Variants in NAV3 observed in about 807,000 individuals in gnomAD.
The protein encoded by NAV3 is pore membrane and/or filament interacting like protein 1.
Under a neutral mutation model 244.7 loss-of-function variants are expected in NAV3, and 87 were observed. The ratio of observed to expected loss-of-function variants is 0.36; its 90% confidence interval spans 0.30 to 0.42. The LOEUF (loss-of-function observed/expected upper bound fraction) is 0.42, where lower values mean the gene tolerates loss of function less well. NAV3 is among the 20% of genes least tolerant of loss of function. The probability of loss-of-function intolerance (pLI) is 1.00; values close to 1 mark genes in which losing one functional copy is unlikely to be tolerated. For missense variants in NAV3, 2,663 were observed against 2,893.3 expected, an observed-to-expected ratio of 0.92 and a Z score of 1.83; for synonymous variants, 1,126 against 1,042.2, an observed-to-expected ratio of 1.08 and a Z score of -1.55.
intron 2 of NAV3, among the ~76,000 whole-genome samples, chr12:77,647,823 A>G (rs1872667270): frequency 6.6e-6 from 1 of 152,086 alleles, no homozygotes; most frequent in Non-Finnish European, 1.5e-5. Flanking sequence ...TCAGGAAATT[A>G]CTTGATTTTA....
At chr12:77,639,145 T>C (rs1480109159) in intron 2 of NAV3, among the ~76,000 whole-genome samples, 1 of 152,182 alleles carries the variant, frequency 6.6e-6, no homozygotes, top group Non-Finnish European at 1.5e-5. Context: ...CTATCTCCAT[T>C]TGGATTTGGA....
chr12:77,652,285 T>A (rs1236746019), intron 2 of NAV3, among the ~76,000 whole-genome samples: 1 of 152,204 alleles, frequency 6.6e-6, no homozygotes, highest in Non-Finnish European at 1.5e-5. Flanking sequence ...TTGGTTAAGC[T>A]GGCAGTCAGA....
chr12:77,679,131 ACT>A (rs1178266987), intron 2 of NAV3, among the ~76,000 whole-genome samples: 2 of 152,090 alleles, frequency 1.3e-5, no homozygotes, highest in Non-Finnish European at 1.5e-5. Context: ...CAGGTTACTA[ACT>A]CTGGATTTTT....
At chr12:77,613,357 A>G (rs1871005897) in intron 2 of NAV3, among the ~76,000 whole-genome samples, 1 of 152,146 alleles carries the variant, frequency 6.6e-6, no homozygotes, top group Non-Finnish European at 1.5e-5. Flanking sequence ...AGTCGAACAC[A>G]GTGGTGCATA....
At chr12:77,712,542 A>G (rs1234283015) in intron 2 of NAV3, among the ~76,000 whole-genome samples, 2 of 152,316 alleles carry the variant, frequency 1.3e-5, no homozygotes, top group African/African-American at 2.4e-5. Context: ...ATGAGATTTC[A>G]ATAAGATAAA....
Position 77,613,499 on chromosome 12 carries a change from C to T in NAV3, c.72+41233C>T, listed in dbSNP as rs375455446. 3.2e-4 allele frequency among the ~76,000 whole-genome samples: 48 copies of T among 152,264 alleles called. 1 individual carries two copies. The South Asian group carries it at 9.9e-3, about 32-fold the overall frequency. On this transcript the variant is annotated intron_variant, in intron 2 of 8. Transcript: ENST00000550042. ...TCATGTTTCAAAGACTCAGGGTGTC[C>T]TCTGTCCTTGAAGTCTGCCTTCTTG...
chr12:78,152,109 G>A (rs1465635940), intron 22 of NAV3, among the ~76,000 whole-genome samples: 1 of 151,206 alleles, frequency 6.6e-6, no homozygotes, highest in Admixed American at 6.6e-5. Flanking sequence ...TCTTTATTTG[G>A]TAGTGATAGG....
In NAV3 at chr12:77,624,122, A is replaced by G. The variant is rs148379247; in HGVS notation, c.72+51856A>G. On this transcript the variant is annotated intron_variant, in intron 2 of 8. Coordinates refer to the NAV3 transcript ENST00000550042. ...GCAGGATGAGTGGGTTGAAAATTAC[A>G]GAATACGTTATTTTAGAAGGGCTAA... 6.2e-4 allele frequency among the ~76,000 whole-genome samples: 95 copies of G among 152,292 alleles called. 1 individual carries two copies. Among genetic ancestry groups the G allele is most frequent in the African/African-American group, 2.0e-3 (83 of 41,588 alleles).
In NAV3 at chr12:77,997,897, T is replaced by C. The variant is rs564787827; in HGVS notation, c.741-440T>C. 5.4e-4 allele frequency among the ~76,000 whole-genome samples: 83 copies of C among 152,348 alleles called. 1 individual carries two copies. In the South Asian group the frequency reaches 0.015, roughly 27 times the overall value. ...GTGATTAATATCCAAGCAAACTTAC[T>C]ATATAACTACCTACAATAAAAACAA... On this transcript the variant is annotated intron_variant, in intron 6 of 39. Coordinates refer to ENST00000397909, the MANE Select transcript of NAV3 (RefSeq NM_001024383.2).
chr12:77,820,684 C>T lies in NAV3; in HGVS notation c.73-119635C>T, dbSNP rs56349173. On this transcript the variant is annotated intron_variant, in intron 2 of 8. Transcript: ENST00000550042. ...GACCATTGCATATAGCTGGGAAGATCGCACACTCTACCAGTGTGTGTGTGA... is the reference window on the plus strand; with the variant it reads ...GACCATTGCATATAGCTGGGAAGATTGCACACTCTACCAGTGTGTGTGTGA... 6.7e-3 allele frequency among the ~76,000 whole-genome samples: 1,016 copies of T among 152,106 alleles called. 12 individuals carry two copies. The highest frequency in any genetic ancestry group is 0.023 in the African/African-American group (939 of 41,518).
intron 2 of NAV3, among the ~76,000 whole-genome samples, chr12:77,702,696 A>G (rs867425706): frequency 7.9e-5 from 12 of 151,892 alleles, no homozygotes; most frequent in Middle Eastern, 3.2e-3. Flanking sequence ...GTATTTTTCT[A>G]CTTACCCCTG....
intron 2 of NAV3, among the ~76,000 whole-genome samples, chr12:77,699,218 T>C (rs187365964): frequency 6.6e-6 from 1 of 152,250 alleles, no homozygotes; most frequent in Admixed American, 6.6e-5. Flanking sequence ...CAGGGTTGTC[T>C]GGCCTTGAAC....
chr12:77,938,931 C>CGTGTGT lies in NAV3; in HGVS notation c.244-1361_244-1356dup, dbSNP rs35392593. Among the ~76,000 whole-genome samples the CGTGTGT allele has an allele frequency of 3.1e-3, 439 of 142,578 alleles. 8 individuals are homozygous for CGTGTGT. The East Asian group carries it at 0.046, about 15-fold the overall frequency. The allele number at this position is 142,578 out of a possible 152,430, so 93.5% of individuals were successfully genotyped here. A position where few individuals can be genotyped will look rare whatever the true frequency, so the allele number is the denominator to read the frequency against. On this transcript the variant is annotated intron_variant, in intron 1 of 39. Coordinates refer to ENST00000397909, the MANE Select transcript of NAV3 (RefSeq NM_001024383.2). ...CCAAATTTGGTTTAAAATGTGATCT[C>CGTGTGT]GTGTGTGTGTGTGTGTGTGTGTGTG...
Position 78,199,425 on chromosome 12 carries a change from G to A in NAV3, c.6609G>A (p.Arg2203=), listed in dbSNP as rs369032172. 4.0e-5 allele frequency: 65 copies of A among 1,610,826 alleles called. No homozygotes were observed. The highest frequency in any genetic ancestry group is 5.3e-5 in the Non-Finnish European group (62 of 1,178,510). ...AACTCATAGAGATAGAAATTGAAAG[G>A]AACATTCGCAATAATGACCTAGTCA... ...RRKLIEIEIE[R]NIRNNDLVKI... The change falls in exon 37 of 40, where the codon AGG becomes AGA. Residue 2203 remains arginine (R), a synonymous_variant. Coordinates refer to ENST00000397909, the MANE Select transcript of NAV3 (RefSeq NM_001024383.2).
intron 12 of NAV3, among the ~76,000 whole-genome samples, chr12:78,075,211 T>C (rs1952984903): frequency 6.6e-6 from 1 of 152,160 alleles, no homozygotes; most frequent in South Asian, 2.1e-4. Flanking sequence ...TTGTGAGAAA[T>C]AATTTAACAT....
intron 5 of NAV3, among the ~76,000 whole-genome samples, chr12:77,983,243 C>A (rs1448535708): frequency 1.3e-5 from 2 of 152,044 alleles, no homozygotes; most frequent in African/African-American, 2.4e-5. Flanking sequence ...GAAAGATGTG[C>A]TTTGGGCAGG....
intron 34 of NAV3, 152 bp downstream of exon 34, chr12:78,190,371 C>G: frequency 1.5e-6 from 1 of 661,724 alleles, no homozygotes; most frequent in Non-Finnish European, 2.6e-6. Context: ...AGTGATCAAA[C>G]TCTGTTTCAT....
chr12:78,032,507 T>G (rs1879170463), intron 9 of NAV3, among the ~76,000 whole-genome samples: 1 of 152,226 alleles, frequency 6.6e-6, no homozygotes, highest in Non-Finnish European at 1.5e-5. Context: ...CTCCAAAATT[T>G]TTAAGTACGT....
intron 1 of NAV3, among the ~76,000 whole-genome samples, chr12:77,848,672 G>C (rs1049355331): frequency 3.3e-5 from 5 of 152,134 alleles, no homozygotes; most frequent in Non-Finnish European, 7.4e-5. Context: ...ACAGCACATA[G>C]TTTACTAAAC....
Sources: gnomAD v4.1 joint callset for allele counts (sites outside exome capture counted in the v4.1 genomes callset) on GRCh38, gnomAD v4.1.1 for gene constraint, MANE v1.5 for transcripts, NCBI Gene and HGNC (gene_info 2026-07-23, HGNC 2026-07-21) for gene names.